DPP10: variants seen among roughly 807,000 people sequenced by gnomAD.
The protein encoded by DPP10 is dipeptidyl peptidase like 10.
In DPP10, 33 loss-of-function variants were observed where a neutral mutation model predicts 120.9. The observed-to-expected ratio is 0.27, with a 90% CI of 0.21 to 0.37. DPP10 has a LOEUF of 0.37. Ranked by LOEUF, DPP10 falls within the 10% of genes least tolerant of loss-of-function variation. DPP10 has a pLI of 1.00. For synonymous variants in DPP10, 337 were observed against 326.1 expected (o/e 1.03, Z -0.36); for missense variants, 816 against 942.8 (o/e 0.87, Z 1.76).
intron 1 of DPP10, among the ~76,000 whole-genome samples, chr2:114,544,692 GTAA>G (rs1203814805): frequency 6.6e-6 from 1 of 150,996 alleles, no homozygotes; most frequent in Non-Finnish European, 1.5e-5. Context: ...TACATTAAGC[GTAA>G]TAATTAAGTG....
intron 21 of DPP10, among the ~76,000 whole-genome samples, chr2:115,823,923 G>C (rs1688055295): frequency 6.6e-6 from 1 of 152,136 alleles, no homozygotes; most frequent in South Asian, 2.1e-4. Flanking sequence ...GGCAGCTCTA[G>C]TTCTAGGAAT....
chr2:114,881,483 CTA>C (rs1558838722), intron 1 of DPP10, among the ~76,000 whole-genome samples: 3,251 of 118,396 alleles, frequency 0.027, 144 homozygotes, highest in African/African-American at 0.093. Flanking sequence ...ATCTATCTAT[CTA>C]TCTATCATAT....
chr2:115,257,990 G>A (rs528056431), intron 1 of DPP10, among the ~76,000 whole-genome samples: 12 of 152,190 alleles, frequency 7.9e-5, no homozygotes, highest in African/African-American at 1.4e-4. Flanking sequence ...TAAAATATAT[G>A]TACCGTTATT....
intron 1 of DPP10, among the ~76,000 whole-genome samples, chr2:114,843,748 C>A (rs539711001): frequency 6.6e-6 from 1 of 152,070 alleles, no homozygotes; most frequent in Admixed American, 6.6e-5. Flanking sequence ...TCCCTTCTGC[C>A]TCCTCAATGT....
chr2:115,100,459 A>ACAC (rs1553488082), intron 1 of DPP10, among the ~76,000 whole-genome samples: 1,575 of 150,458 alleles, frequency 0.01, 18 homozygotes, highest in African/African-American at 0.03. Flanking sequence ...TAAATTAAAA[A>ACAC]ACACACACAC....
intron 3 of DPP10, among the ~76,000 whole-genome samples, chr2:115,456,158 C>T (rs2073520122): frequency 2.6e-5 from 4 of 152,112 alleles, no homozygotes; most frequent in Admixed American, 2.0e-4. Flanking sequence ...AGAAAATGAA[C>T]AGACTCTTCT....
At chr2:115,057,839 A>G (rs539285489) in intron 1 of DPP10, among the ~76,000 whole-genome samples, 436 of 152,322 alleles carry the variant, frequency 2.9e-3, no homozygotes, top group Middle Eastern at 6.8e-3. Context: ...ATGTTGGTCC[A>G]ATATTGCTTG....
intron 1 of DPP10, among the ~76,000 whole-genome samples, chr2:115,009,445 G>A (rs181895289): frequency 6.6e-6 from 1 of 152,168 alleles, no homozygotes; most frequent in Non-Finnish European, 1.5e-5. Context: ...GGGTTGGTGG[G>A]GAGGGATAGC....
rs145917146 is a variant in DPP10 at position 115,691,941 on chromosome 2, AT to A, written c.576+2021del. ...TTTTAAAAATGTTTGCTACTGGTAA[AT>A]AGAAAGGTACTCAAATTATTTATTT... is the stretch of plus-strand genomic sequence containing the variant. On this transcript the variant is annotated intron_variant, in intron 7 of 25. Transcript: ENST00000410059. 3.8e-3 allele frequency among the ~76,000 whole-genome samples: 579 copies of A among 152,212 alleles called. 4 individuals carry two copies. Among genetic ancestry groups the A allele is most frequent in the African/African-American group, 0.013 (538 of 41,564 alleles).
chr2:114,897,050 A>G (rs577666677), intron 1 of DPP10, among the ~76,000 whole-genome samples: 8 of 152,226 alleles, frequency 5.3e-5, no homozygotes, highest in South Asian at 2.1e-4. Context: ...ATTGATTTGC[A>G]TATATTGAAC....
intron 3 of DPP10, chr2:115,468,688 G>A: frequency 2.8e-6 from 1 of 356,338 alleles, no homozygotes; most frequent in South Asian, 2.2e-5. Flanking sequence ...AAAAGGAAGA[G>A]CAGGCTGCTA....
intron 1 of DPP10, among the ~76,000 whole-genome samples, chr2:115,042,359 C>G (rs574592776): frequency 1.2e-3 from 180 of 152,168 alleles, no homozygotes; most frequent in Non-Finnish European, 2.2e-3. Flanking sequence ...TTCTGCCTCA[C>G]GGGTTCAAGT....
At chr2:114,926,628 G>C (rs1011123943) in intron 1 of DPP10, among the ~76,000 whole-genome samples, 1 of 152,148 alleles carries the variant, frequency 6.6e-6, no homozygotes, top group Non-Finnish European at 1.5e-5. Context: ...AGAAGTGACA[G>C]GTACTTTCCC....
intron 5 of DPP10, among the ~76,000 whole-genome samples, chr2:115,642,879 A>G (rs2086901026): frequency 6.6e-6 from 1 of 152,032 alleles, no homozygotes; most frequent in African/African-American, 2.4e-5. Context: ...AAAATATACT[A>G]TGTTGTAGTT....
intron 1 of DPP10, among the ~76,000 whole-genome samples, chr2:114,801,284 A>T (rs113734988): frequency 1.5e-5 from 2 of 132,752 alleles, no homozygotes; most frequent in African/African-American, 5.8e-5. Flanking sequence ...AAAAAAGAAA[A>T]AAAGAAAGAA....
intron 1 of DPP10, among the ~76,000 whole-genome samples, chr2:115,108,485 A>T (rs893185581): frequency 6.6e-6 from 1 of 152,208 alleles, no homozygotes; most frequent in Non-Finnish European, 1.5e-5. Context: ...ATGTCAACTC[A>T]GTCTCAGTTA....
chr2:115,690,006 G>A (rs2091224555), intron 7 of DPP10, 85 bp downstream of exon 7: 1 of 1,376,358 alleles, frequency 7.3e-7, no homozygotes, highest in Non-Finnish European at 1.0e-6. Flanking sequence ...AAAACCATAG[G>A]AAAACTTGTC....
chr2:114,462,608 G>C (rs1397437531), intron 1 of DPP10, among the ~76,000 whole-genome samples: 4 of 152,092 alleles, frequency 2.6e-5, no homozygotes, highest in South Asian at 2.1e-4. Flanking sequence ...TCCTAACAAG[G>C]GTCTATGCTA....
chr2:115,802,306 T>C, intron 19 of DPP10, among the ~76,000 whole-genome samples: 1 of 152,224 alleles, frequency 6.6e-6, no homozygotes, highest in South Asian at 2.1e-4. Flanking sequence ...TTATTGTGTC[T>C]ATTTGATTCT....
Sources: allele counts gnomAD v4.1 joint callset (sites outside exome capture counted in the v4.1 genomes callset), GRCh38; gene constraint gnomAD v4.1.1; transcripts MANE v1.5; gene names NCBI Gene and HGNC (gene_info 2026-07-23, HGNC 2026-07-21).